Variants in ANKRD44 observed in about 807,000 individuals in gnomAD.
The protein encoded by ANKRD44 is ankyrin repeat domain 44, also known as serine/threonine-protein phosphatase 6 regulatory ankyrin repeat subunit B.
In ANKRD44, 35 loss-of-function variants were observed where a neutral mutation model predicts 116.0. The ratio of observed to expected loss-of-function variants is 0.30; its 90% CI spans 0.23 to 0.40. The LOEUF is 0.40. ANKRD44 is among the 10% of genes least tolerant of loss of function. ANKRD44 has a pLI of 1.00. For synonymous variants in ANKRD44, 435 were observed against 461.8 expected (o/e 0.94, Z 0.74); for missense variants, 1,014 against 1,242.6 (o/e 0.82, Z 2.77).
chr2:197,036,193 C>T (rs1002755742), intron 16 of ANKRD44, among the ~76,000 whole-genome samples: 24 of 152,096 alleles, frequency 1.6e-4, no homozygotes, highest in Non-Finnish European at 5.9e-5. Flanking sequence ...TCTGTCTCCC[C>T]CGACTCCAAT....
At chr2:197,275,115 C>CTT in intron 1 of ANKRD44, among the ~76,000 whole-genome samples, 1 of 147,416 alleles carries the variant, frequency 6.8e-6, no homozygotes, top group African/African-American at 2.5e-5. Context: ...TCTCTTTTCT[C>CTT]TTTTTTTTTT....
intron 16 of ANKRD44, among the ~76,000 whole-genome samples, chr2:197,054,352 A>C (rs1361882863): frequency 6.6e-6 from 1 of 150,934 alleles, no homozygotes; most frequent in Admixed American, 6.7e-5. Flanking sequence ...GAACTTATGC[A>C]TATGAAAGCA....
intron 3 of ANKRD44, 90 bp from the exon 4 acceptor site, chr2:197,136,752 G>A: frequency 9.1e-7 from 1 of 1,102,026 alleles, no homozygotes. Flanking sequence ...GCTCCCATTT[G>A]CCTGACATAA....
At chr2:197,146,598 A>G (rs538611126) in intron 3 of ANKRD44, among the ~76,000 whole-genome samples, 3 of 152,240 alleles carry the variant, frequency 2.0e-5, no homozygotes, top group Admixed American at 2.0e-4. Context: ...CATGCTATAC[A>G]TAGTGTTTAT....
At chr2:197,159,508 G>A (rs1036648243) in intron 2 of ANKRD44, among the ~76,000 whole-genome samples, 1 of 152,174 alleles carries the variant, frequency 6.6e-6, no homozygotes, top group African/African-American at 2.4e-5. Context: ...ATACAGGTCT[G>A]CTCTAGCAAA....
chr2:197,306,070 A>C (rs989990924), intron 1 of ANKRD44, among the ~76,000 whole-genome samples: 2 of 151,558 alleles, frequency 1.3e-5, no homozygotes, highest in African/African-American at 4.9e-5. Context: ...AGCCAGGTAT[A>C]AGCCAGGCAG....
intron 1 of ANKRD44, among the ~76,000 whole-genome samples, chr2:197,234,491 C>T (rs565809877): frequency 6.6e-6 from 1 of 152,260 alleles, no homozygotes; most frequent in Admixed American, 6.5e-5. Flanking sequence ...CACGCCCAGC[C>T]CAGCCACAGG....
At chr2:197,090,510 T>TG (rs2078019603) in intron 10 of ANKRD44, among the ~76,000 whole-genome samples, 6 of 146,006 alleles carry the variant, frequency 4.1e-5, no homozygotes, top group Non-Finnish European at 9.2e-5. Flanking sequence ...TTTTTTTTTT[T>TG]GAGACAGAGT....
In ANKRD44 at chr2:197,094,159, C is replaced by T. The variant is rs1445267229; in HGVS notation, c.1101-4127G>A. Among the ~76,000 whole-genome samples the T allele has an allele frequency of 4.6e-5, 7 of 152,222 alleles. No individual in the cohort carries two copies. The South Asian group carries it at 1.4e-3, about 31-fold the overall frequency. Reference sequence around the variant, plus strand: ...CAGAGAGATGTGGCTGCCCTCCCTACATCCAGTCTTTTCTGAGCCTTCTCT... The same window carrying T: ...CAGAGAGATGTGGCTGCCCTCCCTATATCCAGTCTTTTCTGAGCCTTCTCT... On this transcript the variant is annotated intron_variant, in intron 10 of 27. Coordinates refer to ENST00000282272, the MANE Select transcript of ANKRD44 (RefSeq NM_001195144.2).
At chr2:197,037,075 T>TA (rs2076821421) in intron 16 of ANKRD44, among the ~76,000 whole-genome samples, 1 of 152,232 alleles carries the variant, frequency 6.6e-6, no homozygotes, top group Non-Finnish European at 1.5e-5. Context: ...CAATGTTACT[T>TA]AACAGATGTA....
At chr2:197,282,298 C>T (rs2083288710) in intron 1 of ANKRD44, among the ~76,000 whole-genome samples, 2 of 151,752 alleles carry the variant, frequency 1.3e-5, no homozygotes, top group Admixed American at 1.3e-4. Context: ...CTGTGTTTTG[C>T]CATTATGTTT....
chr2:197,162,095 A>G (rs568598644), intron 2 of ANKRD44, among the ~76,000 whole-genome samples: 29 of 152,180 alleles, frequency 1.9e-4, no homozygotes, highest in Non-Finnish European at 3.2e-4. Flanking sequence ...CCCCATTACT[A>G]TTCGTGATCC....
In ANKRD44 at chr2:197,168,856, C is replaced by T. The variant is rs141433694; in HGVS notation, c.111+18167G>A. Among the ~76,000 whole-genome samples, 250 of 152,282 alleles carry T rather than the reference C, an allele frequency of 1.6e-3. 1 individual carries two copies. The highest frequency in any genetic ancestry group is 3.2e-3 in the Non-Finnish European group (216 of 68,024). On this transcript the variant is annotated intron_variant, in intron 2 of 27. Coordinates refer to ENST00000282272, the MANE Select transcript of ANKRD44 (RefSeq NM_001195144.2). Reference sequence around the variant, plus strand: ...AGCTCATGAGTACATGGCGTCATGGCCACTGCAAACACCCTACTTCAGGCA... The same window carrying T: ...AGCTCATGAGTACATGGCGTCATGGTCACTGCAAACACCCTACTTCAGGCA...
chr2:196,971,734 A>T (rs942174393), intron 21 of ANKRD44, among the ~76,000 whole-genome samples: 2 of 152,182 alleles, frequency 1.3e-5, no homozygotes, highest in African/African-American at 2.4e-5. Context: ...CCCTGCTAGT[A>T]AAACTCTTAG....
intron 2 of ANKRD44, among the ~76,000 whole-genome samples, chr2:197,173,394 A>C (rs1412308503): frequency 6.6e-6 from 1 of 152,216 alleles, no homozygotes; most frequent in African/African-American, 2.4e-5. Context: ...AGGATATTTA[A>C]ATGTGTCCTA....
intron 1 of ANKRD44, among the ~76,000 whole-genome samples, chr2:197,265,416 T>G (rs2082717046): frequency 6.6e-6 from 1 of 152,050 alleles, no homozygotes; most frequent in Non-Finnish European, 1.5e-5. Flanking sequence ...CAGCTAATTT[T>G]TTGAATTTTT....
chr2:197,029,314 T>C (rs2076660360), intron 16 of ANKRD44: 1 of 243,874 alleles, frequency 4.1e-6, no homozygotes, highest in Non-Finnish European at 8.1e-6. Flanking sequence ...TGTTTGCATA[T>C]GGGTTTAGCT....
In ANKRD44 at chr2:196,998,385, A is replaced by T; in HGVS notation, c.2700T>A (p.Thr900=). 6.2e-7 allele frequency: 1 copy of T among 1,614,022 alleles called. No individual in the cohort carries two copies. Among genetic ancestry groups the T allele is most frequent in the Non-Finnish European group, 8.5e-7 (1 of 1,179,946 alleles). ...ILVNSAQADL[T]VKDKDLNTPL... is the part of the protein sequence containing the mutation. ...GTGTATTCAAGTCCTTATCCTTTAC[A>T]GTCAGATCAGCCTGGGCACTGTTCA... Residue 900 remains threonine (T), a synonymous_variant, in exon 25 of 28, where the codon ACT becomes ACA. Transcript: ENST00000282272.
intron 8 of ANKRD44, among the ~76,000 whole-genome samples, chr2:197,118,643 GAA>G (rs59695114): frequency 6.8e-6 from 1 of 147,238 alleles, no homozygotes; most frequent in Non-Finnish European, 1.5e-5. Context: ...GAGAGAGAAA[GAA>G]AGAAAGAAAG....
Sources: gnomAD v4.1 joint callset for allele counts (sites outside exome capture counted in the v4.1 genomes callset) on GRCh38, gnomAD v4.1.1 for gene constraint, MANE v1.5 for transcripts, NCBI Gene and HGNC (gene_info 2026-07-23, HGNC 2026-07-21) for gene names.